MTFR1L: variants seen among roughly 807,000 people sequenced by gnomAD.
MTFR1L encodes the protein mitochondrial fission regulator 1 like.
In MTFR1L, 10 loss-of-function variants were observed where a neutral mutation model predicts 27.9. The ratio of observed to expected loss-of-function variants is 0.36; its 90% CI spans 0.22 to 0.61. The LOEUF is 0.61. Among genes scored for constraint, MTFR1L ranks in the 20% least tolerant of loss-of-function variants. The pLI is 0.73. For synonymous variants in MTFR1L, 151 were observed against 139.4 expected, an observed-to-expected ratio of 1.08 and a Z score of -0.58; for missense variants, 315 against 363.7, an observed-to-expected ratio of 0.87 and a Z score of 1.09.
chr1:25,830,725 A>C (rs992378240), intron 6 of MTFR1L, among the ~76,000 whole-genome samples: 1 of 152,166 alleles, frequency 6.6e-6, no homozygotes, highest in Non-Finnish European at 1.5e-5. Flanking sequence ...TGAGTTGATA[A>C]AGTTCTTGTT....
At chr1:25,823,365 G>T in intron 2 of MTFR1L, 1 of 720,196 alleles carries the variant, frequency 1.4e-6, no homozygotes. Flanking sequence ...AGGAAAGCCT[G>T]GATAATCTCT....
At chr1:25,824,594 T>C (rs1365278686) in intron 3 of MTFR1L, among the ~76,000 whole-genome samples, 1 of 152,070 alleles carries the variant, frequency 6.6e-6, no homozygotes, top group African/African-American at 2.4e-5. Flanking sequence ...GCAGAGTCTG[T>C]AGGAACTGGA....
At position 25,831,936 on chromosome 1, in the gene MTFR1L, G is replaced by T. The variant is rs772839924; in HGVS notation, c.789G>T (p.Leu263Phe). 6.2e-7 allele frequency: 1 copy of T among 1,614,188 alleles called. No homozygotes were observed. The highest frequency in any genetic ancestry group is 1.1e-5 in the South Asian group (1 of 91,080). ...KQSQDLNRSLLKEEDPAVLIS... is the reference protein window; with the variant it reads ...KQSQDLNRSLFKEEDPAVLIS... ...GTGTCTCTAGGAACCGGAGTTTATT[G>T]AAGGAGGAAGACCCTGCTGTGCTTA... The change falls in exon 7 of 7, where the codon TTG (leucine) becomes TTT (phenylalanine). Residue 263 changes from leucine (L) to phenylalanine (F), a missense_variant. By Grantham distance (22) the Leu-to-Phe change is conservative. Coordinates refer to ENST00000374303, the MANE Select transcript of MTFR1L (RefSeq NM_001099625.2).
chr1:25,832,184 AT>A lies in MTFR1L; in HGVS notation c.*161del. On this transcript the variant is annotated 3_prime_UTR_variant, in exon 7 of 7. Coordinates refer to ENST00000374303, the MANE Select transcript of MTFR1L (RefSeq NM_001099625.2). ...CTGAAAGAGAAGAGCTGGATTATAT[AT>A]TTCCCAGACTTCAAACCCTAGCAGA... 6.5e-7 allele frequency: 1 copy of A among 1,540,784 alleles called. No individual in the cohort carries two copies. The highest frequency in any genetic ancestry group is 8.7e-7 in the Non-Finnish European group (1 of 1,147,674).
chr1:25,827,564 C>CTGAG (rs1390382347), intron 5 of MTFR1L, among the ~76,000 whole-genome samples: 1 of 152,152 alleles, frequency 6.6e-6, no homozygotes, highest in Non-Finnish European at 1.5e-5. Flanking sequence ...CCTCAGCCTC[C>CTGAG]TGAGTAGCTG....
intron 5 of MTFR1L, among the ~76,000 whole-genome samples, chr1:25,827,405 G>A (rs560996028): frequency 2.0e-5 from 3 of 151,728 alleles, no homozygotes; most frequent in African/African-American, 7.3e-5. Context: ...CAAAGTGCTG[G>A]GATTATAGGT....
chr1:25,822,138 A>G (rs935367368), intron 1 of MTFR1L: 13 of 152,250 alleles, frequency 8.5e-5, no homozygotes, highest in Admixed American at 2.0e-4. Flanking sequence ...GGTAGCCTCC[A>G]GTGGCAGCTT....
rs1377044561 is a variant in MTFR1L, at chr1:25,832,206, G to C, written c.*180G>C. The C allele has an allele frequency of 1.3e-6, 2 of 1,521,782 alleles. No homozygotes were observed. The highest frequency in any genetic ancestry group is 1.7e-4 in the Middle Eastern group (1 of 5,962). The allele number at this position is 1,521,782 out of a possible 1,614,324, so 94.3% of individuals were successfully genotyped here. ...TATATTTCCCAGACTTCAAACCCTA[G>C]CAGAAGCTAAGGCTTGTGATTTGAC... is the stretch of plus-strand genomic sequence containing the variant. On this transcript the variant is annotated 3_prime_UTR_variant, in exon 7 of 7. Coordinates refer to ENST00000374303, the MANE Select transcript of MTFR1L (RefSeq NM_001099625.2).
In MTFR1L at chr1:25,826,897, G is replaced by C. The variant is rs1028164447; in HGVS notation, c.451+71G>C. 2.6e-6 allele frequency: 4 copies of C among 1,522,442 alleles called. No homozygotes were observed. Among genetic ancestry groups the C allele is most frequent in the Admixed American group, 1.9e-5 (1 of 52,078 alleles). The allele number at this position is 1,522,442 out of a possible 1,614,324, so 94.3% of individuals were successfully genotyped here. On this transcript the variant is annotated intron_variant, in intron 5 of 6. Transcript: ENST00000374303. This position sits in a 1 kb window ranked among gnomAD's most constrained non-coding sequence, Gnocchi z 4.1. ...TCCCCTGGCTCTTGGGCAGGATAGG[G>C]GTAAAGAAAGTGGTAATCCTTGGTT...
intron 5 of MTFR1L, among the ~76,000 whole-genome samples, chr1:25,827,555 C>T (rs551097672): frequency 1.3e-4 from 20 of 152,310 alleles, no homozygotes; most frequent in African/African-American, 4.3e-4. Context: ...ATTCTCGTGC[C>T]TCAGCCTCCT....
intron 3 of MTFR1L, 137 bp downstream of exon 3, chr1:25,823,885 A>G: frequency 2.6e-6 from 3 of 1,150,428 alleles, no homozygotes; most frequent in Non-Finnish European, 3.6e-6. Flanking sequence ...AAATGCTTAT[A>G]AGATATCCTG....
Position 25,823,632 on chromosome 1 carries a change from T to C in MTFR1L, c.25-12T>C. On this transcript the variant is annotated splice_polypyrimidine_tract_variant and intron_variant, in intron 2 of 6. Transcript: ENST00000374303. Reference sequence around the variant, plus strand: ...CTCTGGGGTTGTAGCTGTCTCCGTCTCTTTGCTCCAGACCATCCCAATCTG... The same window carrying C: ...CTCTGGGGTTGTAGCTGTCTCCGTCCCTTTGCTCCAGACCATCCCAATCTG... 1 of 1,613,410 alleles carries C rather than the reference T, an allele frequency of 6.2e-7. No individual in the cohort carries two copies.
chr1:25,820,196 T>A, intron 1 of MTFR1L, 167 bp downstream of exon 1: 3 of 453,158 alleles, frequency 6.6e-6, no homozygotes, highest in South Asian at 4.7e-5. Context: ...GGAAACTGAG[T>A]CCCCGAAGGG....
Position 25,820,431 on chromosome 1 carries a change from CG to C in MTFR1L, c.-87+407del, listed in dbSNP as rs563526107. On this transcript the variant is annotated intron_variant, in intron 1 of 6. Coordinates refer to ENST00000374303, the MANE Select transcript of MTFR1L (RefSeq NM_001099625.2). ...TTGGCCCAGGTCGGGTCGTCTGCCG[CG>C]GGGGAGGGGCGACTCGCCCTGGCGG... 2.3e-3 allele frequency: 1,000 copies of C among 429,732 alleles called. 9 individuals carry two copies. Among genetic ancestry groups the C allele is most frequent in the African/African-American group, 0.018 (862 of 47,102 alleles). The allele number at this position is 429,732 out of a possible 1,614,324, so 26.6% of individuals were successfully genotyped here.
rs1020581604 is a variant in MTFR1L, at chr1:25,820,043, TAGGG to T, written c.-87+18_-87+21del. ...CCCGAGCTTGAGGTGAGAAAGGTTC[TAGGG>T]AGGCGCGGAGGCGGGAGCGCGACCT... On this transcript the variant is annotated intron_variant, in intron 1 of 6. Transcript: ENST00000374303. The T allele has an allele frequency of 1.5e-5, 6 of 393,438 alleles. No homozygotes were observed. The highest frequency in any genetic ancestry group is 4.3e-5 in the African/African-American group (2 of 46,746). 24.4% of individuals were successfully genotyped at this position (393,438 alleles called of 1,614,324 possible).
chr1:25,829,743 A>T lies in MTFR1L; in HGVS notation c.686A>T (p.Asp229Val). Residue 229 changes from aspartate (D) to valine (V), a missense_variant, in exon 6 of 7, where the codon GAC becomes GTC. Asp to Val is a radical substitution (Grantham distance 152). Transcript: ENST00000374303. ...KAACSSSEED[D>V]CVSLSKASSF... ...GCCTGCAGTTCGTCTGAAGAGGATG[A>T]CTGCGTCTCTTTGTCCAAGGCCAGC... 1 of 1,613,520 alleles carries T rather than the reference A, an allele frequency of 6.2e-7. No homozygotes were observed. The highest frequency in any genetic ancestry group is 1.7e-5 in the Admixed American group (1 of 60,018).
At position 25,826,591 on chromosome 1, in the gene MTFR1L, T is replaced by A; in HGVS notation, c.240-24T>A. ...ACAGTGGCCTGCTGTCTCTAACTGA[T>A]CTACTTGGTTTTCCCTGGTCCAGGA... On this transcript the variant is annotated intron_variant, in intron 4 of 6. Coordinates refer to ENST00000374303, the MANE Select transcript of MTFR1L (RefSeq NM_001099625.2). This position sits in a 1 kb window ranked among gnomAD's most constrained non-coding sequence, Gnocchi z 4.1. 1 of 1,613,806 alleles carries A rather than the reference T, an allele frequency of 6.2e-7. No individual in the cohort carries two copies. The highest frequency in any genetic ancestry group is 8.5e-7 in the Non-Finnish European group (1 of 1,179,790).
At chr1:25,825,088 G>C (rs1292494827) in intron 3 of MTFR1L, among the ~76,000 whole-genome samples, 1 of 152,190 alleles carries the variant, frequency 6.6e-6, no homozygotes, top group Non-Finnish European at 1.5e-5. Context: ...TTTAGCACTA[G>C]TTCCTGGGTC....
Position 25,831,969 on chromosome 1 carries a change from G to A in MTFR1L, c.822G>A (p.Glu274=). ...AAGACCCTGCTGTGCTTATCTCTGA[G>A]GTCCTAAGGAGGAAGTTTGCTCTAA... is the stretch of plus-strand genomic sequence containing the variant. ...KEEDPAVLIS[E]VLRRKFALKE... The change falls in exon 7 of 7, where the codon GAG becomes GAA. Residue 274 remains glutamate (E), a synonymous_variant. Transcript: ENST00000374303. 6.2e-7 allele frequency: 1 copy of A among 1,614,192 alleles called. No individual in the cohort carries two copies. Among genetic ancestry groups the A allele is most frequent in the Non-Finnish European group, 8.5e-7 (1 of 1,180,038 alleles).
Sources: gnomAD v4.1 joint callset for allele counts (sites outside exome capture counted in the v4.1 genomes callset) on GRCh38, gnomAD v4.1.1 for gene constraint, Gnocchi (gnomAD v3.1) non-coding constraint, MANE v1.5 for transcripts, NCBI Gene and HGNC (gene_info 2026-07-23, HGNC 2026-07-21) for gene names.